The following CCSER1 variants were observed in gnomAD, a reference collection of about 807,000 sequenced individuals.
CCSER1 encodes serine-rich coiled-coil domain-containing protein 1.
A neutral mutation model predicts 82.0 loss-of-function variants in CCSER1; 41 were observed. The ratio of observed to expected loss-of-function variants is 0.50; its 90% CI spans 0.39 to 0.65. The LOEUF is 0.65. Ranked by LOEUF, CCSER1 falls within the 30% of genes least tolerant of loss-of-function variation. CCSER1 has a pLI of 0.00. For missense variants in CCSER1, 1,119 were observed against 1,064.2 expected, an observed-to-expected ratio of 1.05 and a Z score of -0.72; for synonymous variants, 414 against 383.9, an observed-to-expected ratio of 1.08 and a Z score of -0.92.
At chr4:91,501,634 GC>G (rs1239931873) in intron 10 of CCSER1, among the ~76,000 whole-genome samples, 1 of 151,790 alleles carries the variant, frequency 6.6e-6, no homozygotes, top group Non-Finnish European at 1.5e-5. Context: ...ATACTTATCT[GC>G]CCTATTCTCC....
chr4:91,198,921 C>T (rs897073742), intron 10 of CCSER1, among the ~76,000 whole-genome samples: 1 of 152,132 alleles, frequency 6.6e-6, no homozygotes, highest in African/African-American at 2.4e-5. Context: ...TCAAAAGTTT[C>T]TCTTTCCCTT....
chr4:90,837,899 A>G (rs1400783505), intron 8 of CCSER1, among the ~76,000 whole-genome samples: 1 of 152,154 alleles, frequency 6.6e-6, no homozygotes, highest in Non-Finnish European at 1.5e-5. Context: ...GGCAACCATA[A>G]GATAGATTTG....
chr4:91,374,929 G>GA (rs1285912839), intron 10 of CCSER1, among the ~76,000 whole-genome samples: 1 of 152,176 alleles, frequency 6.6e-6, no homozygotes, highest in Admixed American at 6.5e-5. Context: ...CCAGTAGGCT[G>GA]AGGTTGCAGT....
At chr4:91,454,445 T>C (rs1319532410) in intron 10 of CCSER1, among the ~76,000 whole-genome samples, 1 of 152,054 alleles carries the variant, frequency 6.6e-6, no homozygotes, top group African/African-American at 2.4e-5. Context: ...CTTCTACTTA[T>C]AAGGACACAC....
At chr4:91,202,223 T>C (rs1033909078) in intron 10 of CCSER1, among the ~76,000 whole-genome samples, 13 of 150,676 alleles carry the variant, frequency 8.6e-5, no homozygotes, top group African/African-American at 3.2e-4. Context: ...ATCTGCCCTA[T>C]AAAATAATCA....
At chr4:91,379,946 G>T (rs1750743212) in intron 10 of CCSER1, among the ~76,000 whole-genome samples, 1 of 152,090 alleles carries the variant, frequency 6.6e-6, no homozygotes, top group African/African-American at 2.4e-5. Context: ...GGTATGTTGT[G>T]TGTTTGTTCT....
At chr4:90,642,018 C>T (rs1199700062) in intron 6 of CCSER1, 5 of 280,964 alleles carry the variant, frequency 1.8e-5, no homozygotes, top group Admixed American at 6.6e-5. Flanking sequence ...GGGCTAAATC[C>T]GACATTAAGA....
chr4:90,469,723 G>T (rs1008738867), intron 5 of CCSER1, among the ~76,000 whole-genome samples: 1 of 151,986 alleles, frequency 6.6e-6, no homozygotes, highest in African/African-American at 2.4e-5. Context: ...GTGACTTATG[G>T]TTATATATTC....
intron 10 of CCSER1, among the ~76,000 whole-genome samples, chr4:91,209,042 T>C (rs939367306): frequency 2.6e-5 from 4 of 152,004 alleles, no homozygotes; most frequent in Non-Finnish European, 5.9e-5. Flanking sequence ...GGAATGCTAC[T>C]AATTTTTGTA....
chr4:90,184,129 G>A (rs1294778169), intron 1 of CCSER1, among the ~76,000 whole-genome samples: 1 of 152,062 alleles, frequency 6.6e-6, no homozygotes, highest in African/African-American at 2.4e-5. Context: ...CTTGAAACCT[G>A]TAAGACATTT....
intron 7 of CCSER1, 133 bp downstream of exon 7, chr4:90,724,124 GT>G (rs147392922): frequency 1.9e-6 from 1 of 525,490 alleles, no homozygotes; most frequent in Non-Finnish European, 3.4e-6. Flanking sequence ...TCTTAAAATC[GT>G]TTTTTTGTGT....
chr4:91,387,568 A>G (rs1401078129), intron 10 of CCSER1, among the ~76,000 whole-genome samples: 1 of 152,082 alleles, frequency 6.6e-6, no homozygotes, highest in Admixed American at 6.6e-5. Flanking sequence ...ATGTTTAAGT[A>G]TCTAACTAAT....
intron 5 of CCSER1, among the ~76,000 whole-genome samples, chr4:90,559,025 C>T (rs1209069618): frequency 6.6e-6 from 1 of 152,144 alleles, no homozygotes; most frequent in Non-Finnish European, 1.5e-5. Flanking sequence ...CACACAGGTA[C>T]TAAGTGATAA....
At chr4:90,637,487 A>G (rs1362870136) in intron 6 of CCSER1, among the ~76,000 whole-genome samples, 1 of 152,094 alleles carries the variant, frequency 6.6e-6, no homozygotes, top group Non-Finnish European at 1.5e-5. Context: ...GGAGGTAGGG[A>G]ACATTGTGGT....
At chr4:91,079,738 T>C (rs1722476355) in intron 9 of CCSER1, among the ~76,000 whole-genome samples, 1 of 151,756 alleles carries the variant, frequency 6.6e-6, no homozygotes, top group Non-Finnish European at 1.5e-5. Flanking sequence ...ACCAAGCAAA[T>C]GGAGAACAAA....
chr4:91,371,217 T>C (rs1002639711), intron 10 of CCSER1, among the ~76,000 whole-genome samples: 4 of 152,152 alleles, frequency 2.6e-5, no homozygotes, highest in Non-Finnish European at 5.9e-5. Context: ...AATCACTCTG[T>C]TGTGCTATCT....
chr4:90,453,817 A>T (rs968392965), intron 4 of CCSER1, among the ~76,000 whole-genome samples: 2 of 152,168 alleles, frequency 1.3e-5, no homozygotes, highest in South Asian at 4.1e-4. Context: ...CTAAGAGAGA[A>T]GGGAGTGCCT....
intron 6 of CCSER1, among the ~76,000 whole-genome samples, chr4:90,701,516 G>T (rs28794560): frequency 0.057 from 8,750 of 152,188 alleles, 356 homozygotes; most frequent in Admixed American, 0.11. Flanking sequence ...TTCCAATTCT[G>T]TGAGGAAAGT....
chr4:91,390,902 A>G (rs565350020), intron 10 of CCSER1, among the ~76,000 whole-genome samples: 1 of 152,144 alleles, frequency 6.6e-6, no homozygotes, highest in African/African-American at 2.4e-5. Flanking sequence ...TTCAGTTTCC[A>G]TGAGGTCTGT....
Sources: allele counts gnomAD v4.1 joint callset (sites outside exome capture counted in the v4.1 genomes callset), GRCh38; gene constraint gnomAD v4.1.1; transcripts MANE v1.5; gene names NCBI Gene and HGNC (gene_info 2026-07-23, HGNC 2026-07-21).